Variants in PRDM16 observed in about 807,000 individuals in gnomAD.
The protein encoded by PRDM16 is histone-lysine N-methyltransferase PRDM16.
A neutral mutation model predicts 110.6 loss-of-function variants in PRDM16; 23 were observed. The observed-to-expected ratio is 0.21, with a 90% CI of 0.15 to 0.29. The LOEUF (loss-of-function observed/expected upper bound fraction) is 0.29. PRDM16 is among the 10% of genes least tolerant of loss of function. The pLI is 1.00. For synonymous variants in PRDM16, 799 were observed against 781.8 expected, an observed-to-expected ratio of 1.02 and a Z score of -0.37; for missense variants, 1,615 against 1,794.3, an observed-to-expected ratio of 0.90 and a Z score of 1.81.
intron 3 of PRDM16, among the ~76,000 whole-genome samples, chr1:3,301,053 G>T (rs138431365): frequency 3.3e-5 from 5 of 152,260 alleles, no homozygotes; most frequent in Admixed American, 6.5e-5. Flanking sequence ...TGTTTGGGCC[G>T]GGCACAGTGG....
intron 2 of PRDM16, among the ~76,000 whole-genome samples, chr1:3,231,024 A>G (rs1331499896): frequency 1.3e-5 from 2 of 152,232 alleles, no homozygotes; most frequent in East Asian, 3.9e-4. Context: ...ACCCAAGGAC[A>G]TGAGTGCCCT....
At position 3,201,261 on chromosome 1, in the gene PRDM16, T is replaced by G. The variant is rs74386551; in HGVS notation, c.387+14787T>G. On this transcript the variant is annotated intron_variant, in intron 2 of 16. Transcript: ENST00000270722. The surrounding 1 kb of genome is among the most constrained non-coding windows in gnomAD (Gnocchi z 4.1). Reference sequence around the variant, plus strand: ...GCTGGGGGGCTGGAGACAAATGTATTTCTCTTGCCTCTAAAATTCGCTTTG... The same window carrying G: ...GCTGGGGGGCTGGAGACAAATGTATGTCTCTTGCCTCTAAAATTCGCTTTG... Among the ~76,000 whole-genome samples, 417 of 147,458 alleles carry G rather than the reference T, an allele frequency of 2.8e-3. 11 individuals are homozygous for G. In the East Asian group the frequency reaches 0.071, roughly 25 times the overall value.
intron 2 of PRDM16, among the ~76,000 whole-genome samples, chr1:3,241,038 AG>A (rs1371568925): frequency 6.6e-6 from 1 of 152,200 alleles, no homozygotes; most frequent in African/African-American, 2.4e-5. Context: ...CAAAATAAAG[AG>A]GGTTTTCAGC....
At chr1:3,160,987 C>T (rs1012984486) in intron 1 of PRDM16, among the ~76,000 whole-genome samples, 8 of 152,132 alleles carry the variant, frequency 5.3e-5, no homozygotes, top group Admixed American at 1.3e-4. Context: ...CCCGTCTATT[C>T]GGAGACCCTG....
At chr1:3,419,636 C>T (rs1984069) in intron 12 of PRDM16, among the ~76,000 whole-genome samples, 115,079 of 152,072 alleles carry the variant, frequency 0.76, 44,216 homozygotes, top group East Asian at 0.99. Context: ...ATAAAGAGTG[C>T]TTCACACGGC....
At chr1:3,152,304 TCATCCATC>T (rs140476841) in intron 1 of PRDM16, among the ~76,000 whole-genome samples, 17 of 151,686 alleles carry the variant, frequency 1.1e-4, no homozygotes, top group African/African-American at 2.7e-4. Context: ...ATCCCTCCTT[TCATCCATC>T]CATCCATCCA....
At chr1:3,328,884 C>T (rs1252933082) in intron 3 of PRDM16, among the ~76,000 whole-genome samples, 2 of 152,178 alleles carry the variant, frequency 1.3e-5, no homozygotes, top group Non-Finnish European at 2.9e-5. Flanking sequence ...GCCCTGGACC[C>T]CCCGTTCAGA....
chr1:3,247,009 C>A (rs1207890555), intron 3 of PRDM16, among the ~76,000 whole-genome samples: 4 of 152,066 alleles, frequency 2.6e-5, no homozygotes, highest in Admixed American at 2.6e-4. Flanking sequence ...CGTAACTGTG[C>A]GCACCGCGGT....
chr1:3,247,357 G>C lies in PRDM16; in HGVS notation c.438+3220G>C, dbSNP rs184062050. Among the ~76,000 whole-genome samples the C allele has an allele frequency of 2.7e-4, 41 of 152,374 alleles. 1 individual carries two copies. Among genetic ancestry groups the C allele is most frequent in the Admixed American group, 1.2e-3 (19 of 15,312 alleles). On this transcript the variant is annotated intron_variant, in intron 3 of 16. Coordinates refer to ENST00000270722, the MANE Select transcript of PRDM16 (RefSeq NM_022114.4). ...AGGAATTCTAAGTATCAGAGAGTGAGGTTTCTGAAGAGGCTGGATGCAGGA... is the reference window on the plus strand; with the variant it reads ...AGGAATTCTAAGTATCAGAGAGTGACGTTTCTGAAGAGGCTGGATGCAGGA...
intron 12 of PRDM16, 32 bp downstream of exon 12, chr1:3,418,776 G>A: frequency 1.3e-6 from 2 of 1,556,556 alleles, no homozygotes; most frequent in Non-Finnish European, 1.8e-6. Flanking sequence ...TGTGGGGGCG[G>A]GGCCGCCTGC....
intron 3 of PRDM16, among the ~76,000 whole-genome samples, chr1:3,258,281 A>G (rs138819991): frequency 6.6e-6 from 1 of 152,120 alleles, no homozygotes; most frequent in African/African-American, 2.4e-5. Flanking sequence ...TCTGTTATCT[A>G]TGGGGGGGAT....
intron 3 of PRDM16, among the ~76,000 whole-genome samples, chr1:3,293,834 C>T (rs1641029781): frequency 6.6e-6 from 1 of 152,206 alleles, no homozygotes; most frequent in South Asian, 2.1e-4. Context: ...GTGAACGTTG[C>T]CCCTTGGAGA....
intron 3 of PRDM16, among the ~76,000 whole-genome samples, chr1:3,320,329 CGTGTGTGT>C (rs1002062234): frequency 2.0e-5 from 3 of 151,944 alleles, no homozygotes; most frequent in African/African-American, 7.3e-5. Context: ...TGTGTGTGTG[CGTGTGTGT>C]GTATGCACAC....
chr1:3,228,001 A>G (rs1639331365), intron 2 of PRDM16, among the ~76,000 whole-genome samples: 1 of 152,230 alleles, frequency 6.6e-6, no homozygotes, highest in South Asian at 2.1e-4. Context: ...CCCAGGCTTC[A>G]CAGTCACATC....
intron 14 of PRDM16, among the ~76,000 whole-genome samples, chr1:3,427,921 G>C (rs574143358): frequency 6.6e-6 from 1 of 152,312 alleles, no homozygotes; most frequent in Admixed American, 6.5e-5. Flanking sequence ...CATGGGAGCT[G>C]TTCGTGTTCC....
In PRDM16 at chr1:3,146,856, G is replaced by C. The variant is rs546061974; in HGVS notation, c.38-39269G>C. On this transcript the variant is annotated intron_variant, in intron 1 of 16. Coordinates refer to ENST00000270722, the MANE Select transcript of PRDM16 (RefSeq NM_022114.4). ...GTGTGCACACGTGTGTGCTCAGTGTGGGGTGTGTGTGCACGTGTGTTTGGT... is the reference window on the plus strand; with the variant it reads ...GTGTGCACACGTGTGTGCTCAGTGTCGGGTGTGTGTGCACGTGTGTTTGGT... 3.0e-5 allele frequency among the ~76,000 whole-genome samples: 4 copies of C among 132,824 alleles called. No homozygotes were observed. In the East Asian group the frequency reaches 9.7e-4, roughly 32 times the overall value. The allele number at this position is 132,824 out of a possible 152,430, so 87.1% of individuals were successfully genotyped here. A position where few individuals can be genotyped will look rare whatever the true frequency, so the allele number is the denominator to read the frequency against.
chr1:3,174,776 G>A (rs930000617), intron 1 of PRDM16, among the ~76,000 whole-genome samples: 7 of 152,140 alleles, frequency 4.6e-5, no homozygotes, highest in South Asian at 4.2e-4. Flanking sequence ...AGGCTCTCCC[G>A]GGCCCTAATG....
chr1:3,429,359 C>CT (rs894371305), intron 14 of PRDM16, among the ~76,000 whole-genome samples: 1 of 152,260 alleles, frequency 6.6e-6, no homozygotes, highest in Admixed American at 6.5e-5. Context: ...AGCAAATACT[C>CT]TGTGCATGGG....
At chr1:3,395,137 T>A (rs775256603) in intron 4 of PRDM16, among the ~76,000 whole-genome samples, 70 of 152,188 alleles carry the variant, frequency 4.6e-4, no homozygotes, top group Non-Finnish European at 1.3e-4. Flanking sequence ...GGTGTCATTC[T>A]GGAGTCAGTT....
Sources: allele counts gnomAD v4.1 joint callset (sites outside exome capture counted in the v4.1 genomes callset), GRCh38; gene constraint gnomAD v4.1.1; non-coding constraint Gnocchi (gnomAD v3.1); transcripts MANE v1.5; gene names NCBI Gene and HGNC (gene_info 2026-07-23, HGNC 2026-07-21).